The following MSX1 variants were observed in gnomAD, a reference collection of about 807,000 sequenced individuals.
MSX1 encodes msh homeobox 1.
A neutral mutation model predicts 17.0 loss-of-function variants in MSX1; 11 were observed. That is an observed-to-expected ratio of 0.65 (90% CI 0.41 to 1.07). MSX1 has a LOEUF of 1.07. Among genes scored for constraint, MSX1 ranks in the 50% least tolerant of loss-of-function variants. The probability of loss-of-function intolerance (pLI) is 0.00; values close to 1 mark genes in which losing one functional copy is unlikely to be tolerated. For missense variants in MSX1, 477 were observed against 440.1 expected, an observed-to-expected ratio of 1.08 and a Z score of -0.75; for synonymous variants, 253 against 211.8, an observed-to-expected ratio of 1.19 and a Z score of -1.69.
At position 4,860,149 on chromosome 4, in the gene MSX1, G is replaced by C. The variant is rs1464389153; in HGVS notation, c.250G>C (p.Glu84Gln). ...GAKESALAPS[E>Q]GVQAAGGSAQ... is the part of the protein sequence containing the mutation. ...CAAGGAGAGCGCCCTGGCGCCCTCC[G>C]AGGGCGTGCAGGCGGCGGGTGGCTC... Residue 84 changes from glutamate (E) to glutamine (Q), a missense_variant, in exon 1 of 2, where the codon GAG (glutamate) becomes CAG (glutamine). By Grantham distance (29) the Glu-to-Gln change is conservative (BLOSUM62 2). This residue lies in a region of MSX1 where 355 missense variants were observed against 306.1 expected (regional missense o/e 1.16). Transcript: ENST00000382723. 2 of 1,511,208 alleles carry C rather than the reference G, an allele frequency of 1.3e-6. No homozygotes were observed. Among genetic ancestry groups the C allele is most frequent in the East Asian group, 2.6e-5 (1 of 37,836 alleles). The allele number at this position is 1,511,208 out of a possible 1,614,324, so 93.6% of individuals were successfully genotyped here. A position where few individuals can be genotyped will look rare whatever the true frequency, so the allele number is the denominator to read the frequency against.
At position 4,863,006 on chromosome 4, in the gene MSX1, G is replaced by T. The variant is rs1185222483; in HGVS notation, c.775G>T (p.Gly259Cys). 3 of 1,612,368 alleles carry T rather than the reference G, an allele frequency of 1.9e-6. No homozygotes were observed. Among genetic ancestry groups the T allele is most frequent in the Admixed American group, 3.3e-5 (2 of 59,974 alleles). The change falls in exon 2 of 2, where the codon GGC (glycine) becomes TGC (cysteine). Residue 259 changes from glycine to cysteine, a missense_variant. Gly to Cys is a radical substitution (Grantham distance 159). Around this residue, in one of 3 missense-constraint regions of MSX1, gnomAD observed 114 missense variants for 106.3 expected, o/e 1.07. Transcript: ENST00000382723. ...CTTCGGCCTCTCCTTCCCTCTCGGC[G>T]GCCCCGCAGCTGTAGCGGCCGCGGC... ...AAFGLSFPLG[G>C]PAAVAAAAGA...
rs1181887626 is a variant in MSX1 at position 4,863,634 on chromosome 4, C to CT, written c.*493dup. On this transcript the variant is annotated 3_prime_UTR_variant, in exon 2 of 2. Coordinates refer to ENST00000382723, the MANE Select transcript of MSX1 (RefSeq NM_002448.3). The stretch of plus-strand genomic sequence containing the variant: ...AGCCAGCCAGGAAGATGAATCCTAG[C>CT]TTCTTCCATTGGAAAATTTAAGACA... The CT allele has an allele frequency of 7.1e-6, 1 of 140,966 alleles. No individual in the cohort carries two copies. The highest frequency in any genetic ancestry group is 1.5e-5 in the Non-Finnish European group (1 of 66,236). The allele number at this position is 140,966 out of a possible 1,614,324, so 8.7% of individuals were successfully genotyped here.
rs1737964187 is a variant in MSX1 at position 4,863,180 on chromosome 4, C to A, written c.*37C>A. 1.3e-6 allele frequency: 2 copies of A among 1,562,264 alleles called. No individual in the cohort carries two copies. Among genetic ancestry groups the A allele is most frequent in the African/African-American group, 2.7e-5 (2 of 74,466 alleles). ...TCGCCCACCTGTGGGCCAGCCGATTCCTCCAGCCCTGGTGCTGTACCCCCG... is the reference window on the plus strand; with the variant it reads ...TCGCCCACCTGTGGGCCAGCCGATTACTCCAGCCCTGGTGCTGTACCCCCG... On this transcript the variant is annotated 3_prime_UTR_variant, in exon 2 of 2. Transcript: ENST00000382723.
chr4:4,862,849 C>T lies in MSX1; in HGVS notation c.618C>T (p.Ser206=), dbSNP rs201419918. 19 of 1,613,848 alleles carry T rather than the reference C, an allele frequency of 1.2e-5. No homozygotes were observed. Among genetic ancestry groups the T allele is most frequent in the South Asian group, 8.8e-5 (8 of 91,086 alleles). ...CCATCGCCGAGCGCGCGGAGTTCTCCAGCTCGCTCAGCCTCACTGAGACGC... is the reference window on the plus strand; with the variant it reads ...CCATCGCCGAGCGCGCGGAGTTCTCTAGCTCGCTCAGCCTCACTGAGACGC... ...YLSIAERAEF[S]SSLSLTETQV... Residue 206 remains serine (S), a synonymous_variant, in exon 2 of 2, where the codon TCC becomes TCT. Transcript: ENST00000382723.
intron 1 of MSX1, among the ~76,000 whole-genome samples, chr4:4,861,507 G>T (rs987080253): frequency 8.5e-5 from 13 of 152,212 alleles, no homozygotes; most frequent in Admixed American, 3.9e-4. Context: ...TTTGTTTGTG[G>T]TTGTTTTTTA....
At chr4:4,860,555 C>T (rs896169614) in intron 1 of MSX1, among the ~76,000 whole-genome samples, 187 bp downstream of exon 1, 2 of 152,196 alleles carry the variant, frequency 1.3e-5, no homozygotes, top group Non-Finnish European at 2.9e-5. Context: ...TCCAGACCTC[C>T]TCGCCTTGGC....
chr4:4,862,028 T>C (rs1157786411), intron 1 of MSX1, among the ~76,000 whole-genome samples: 3 of 152,172 alleles, frequency 2.0e-5, no homozygotes, highest in African/African-American at 7.2e-5. Flanking sequence ...CAGCCCCTCG[T>C]TCTCCGCTCC....
Position 4,860,256 on chromosome 4 carries a change from G to T in MSX1, c.357G>T (p.Ser119=). The T allele has an allele frequency of 6.3e-7, 1 of 1,590,994 alleles. No individual in the cohort carries two copies. The highest frequency in any genetic ancestry group is 2.3e-5 in the East Asian group (1 of 44,258). Residue 119 remains serine (S), a synonymous_variant, in exon 1 of 2, where the codon TCG becomes TCT. Transcript: ENST00000382723. ...CGCCGCGGCCGCTCGGCCATTTCTCGGTGGGGGGACTCCTCAAGCTGCCAG... is the reference window on the plus strand; with the variant it reads ...CGCCGCGGCCGCTCGGCCATTTCTCTGTGGGGGGACTCCTCAAGCTGCCAG... The part of the protein sequence containing the change: ...PSSPRPLGHF[S]VGGLLKLPED...
At chr4:4,860,796 C>A (rs34206627) in intron 1 of MSX1, among the ~76,000 whole-genome samples, 1 of 152,194 alleles carries the variant, frequency 6.6e-6, no homozygotes, top group Non-Finnish European at 1.5e-5. Context: ...TCTTCCCTTT[C>A]AAGTACCTCT....
At chr4:4,862,670 C>T in intron 1 of MSX1, 31 bp from the exon 2 acceptor site, 1 of 1,600,068 alleles carries the variant, frequency 6.2e-7, no homozygotes, top group Non-Finnish European at 8.5e-7. Flanking sequence ...TCTCTCTTAA[C>T]CCCTTGCTTT....
At position 4,863,475 on chromosome 4, in the gene MSX1, C is replaced by A. The variant is rs1458918356; in HGVS notation, c.*332C>A. The A allele has an allele frequency of 5.1e-6, 1 of 194,342 alleles. No homozygotes were observed. Among genetic ancestry groups the A allele is most frequent in the Non-Finnish European group, 1.0e-5 (1 of 99,002 alleles). The allele number at this position is 194,342 out of a possible 1,614,324, so 12.0% of individuals were successfully genotyped here. ...GCTAGAGGCCATGTCTCCTGCATAG[C>A]TTTTCCCTGTCCTGACACCAGGCAA... is the stretch of plus-strand genomic sequence containing the variant. On this transcript the variant is annotated 3_prime_UTR_variant, in exon 2 of 2. Coordinates refer to ENST00000382723, the MANE Select transcript of MSX1 (RefSeq NM_002448.3).
rs776717375 is a variant in MSX1 at position 4,863,041 on chromosome 4, G to C, written c.810G>C (p.Ser270=). The C allele has an allele frequency of 8.1e-6, 13 of 1,609,062 alleles. No individual in the cohort carries two copies. Among genetic ancestry groups the C allele is most frequent in the African/African-American group, 5.3e-5 (4 of 74,836 alleles). The change falls in exon 2 of 2, where the codon TCG becomes TCC. Residue 270 remains serine, a synonymous_variant. Coordinates refer to ENST00000382723, the MANE Select transcript of MSX1 (RefSeq NM_002448.3). ...PAAVAAAAGA[S]LYGASGPFQR... ...CTGTAGCGGCCGCGGCGGGTGCCTCGCTCTACGGTGCCTCTGGCCCCTTCC... is the reference window on the plus strand; with the variant it reads ...CTGTAGCGGCCGCGGCGGGTGCCTCCCTCTACGGTGCCTCTGGCCCCTTCC...
chr4:4,863,296 C>T lies in MSX1; in HGVS notation c.*153C>T, dbSNP rs528250353. On this transcript the variant is annotated 3_prime_UTR_variant, in exon 2 of 2. Transcript: ENST00000382723. Reference sequence around the variant, plus strand: ...CTCTTTGCTCCCTGAGTTCACTCTCCGAAGTCTGATCCCTGCCAAAAAGTG... The same window carrying T: ...CTCTTTGCTCCCTGAGTTCACTCTCTGAAGTCTGATCCCTGCCAAAAAGTG... The T allele has an allele frequency of 3.7e-6, 3 of 816,870 alleles. No homozygotes were observed. The highest frequency in any genetic ancestry group is 1.7e-5 in the South Asian group (1 of 59,880). The allele number at this position is 816,870 out of a possible 1,614,324, so 50.6% of individuals were successfully genotyped here. A position where few individuals can be genotyped will look rare whatever the true frequency, so the allele number is the denominator to read the frequency against.
rs1199001220 is a variant in MSX1, at chr4:4,863,380, T to C, written c.*237T>C. 1 of 539,560 alleles carries C rather than the reference T, an allele frequency of 1.9e-6. No individual in the cohort carries two copies. The highest frequency in any genetic ancestry group is 1.9e-5 in the African/African-American group (1 of 52,390). 33.4% of individuals were successfully genotyped at this position (539,560 alleles called of 1,614,324 possible). A position where few individuals can be genotyped will look rare whatever the true frequency, so the allele number is the denominator to read the frequency against. ...TAGATCTACACTCTCGAGTTAAAGATGGGGAAACTGAGGGCAGAGAGGTTA... is the reference window on the plus strand; with the variant it reads ...TAGATCTACACTCTCGAGTTAAAGACGGGGAAACTGAGGGCAGAGAGGTTA... On this transcript the variant is annotated 3_prime_UTR_variant, in exon 2 of 2. Transcript: ENST00000382723.
At position 4,860,002 on chromosome 4, in the gene MSX1, G is replaced by C; in HGVS notation, c.103G>C (p.Ala35Pro). The change falls in exon 1 of 2, where the codon GCC becomes CCC. Residue 35 changes from alanine to proline, a missense_variant. Transcript: ENST00000382723. The part of the protein sequence containing the change: ...AGGGAGQAPS[A>P]AAATAAAMGA... ...GGGAGGCGCGGGCCAGGCCCCCAGCGCCGCCGCGGCCACGGCAGCCGCCAT... is the reference window on the plus strand; with the variant it reads ...GGGAGGCGCGGGCCAGGCCCCCAGCCCCGCCGCGGCCACGGCAGCCGCCAT... The C allele has an allele frequency of 6.7e-7, 1 of 1,495,370 alleles. No individual in the cohort carries two copies. The highest frequency in any genetic ancestry group is 8.9e-7 in the Non-Finnish European group (1 of 1,123,736). The allele number at this position is 1,495,370 out of a possible 1,614,324, so 92.6% of individuals were successfully genotyped here.
At chr4:4,861,953 C>T (rs147730554) in intron 1 of MSX1, among the ~76,000 whole-genome samples, 34 of 152,026 alleles carry the variant, frequency 2.2e-4, no homozygotes, top group African/African-American at 7.5e-4. Flanking sequence ...GGCCCTGGCG[C>T]CAGGGGTGAA....
rs374804405 is a variant in MSX1, at chr4:4,863,785, A to AAC, written c.*642_*643insAC. 2 of 146,510 alleles carry AAC rather than the reference A, an allele frequency of 1.4e-5. No homozygotes were observed. The highest frequency in any genetic ancestry group is 6.8e-5 in the Admixed American group (1 of 14,622). 9.1% of individuals were successfully genotyped at this position (146,510 alleles called of 1,614,324 possible). On this transcript the variant is annotated 3_prime_UTR_variant, in exon 2 of 2. Transcript: ENST00000382723. ...ATTGTAAAATTAAAAAAAAAAAAAA[A>AAC]CTCTTTCTATTTAACAGTACATTTG...
At chr4:4,861,878 T>TC (rs1330204633) in intron 1 of MSX1, among the ~76,000 whole-genome samples, 4 of 130,252 alleles carry the variant, frequency 3.1e-5, no homozygotes, top group African/African-American at 9.3e-5. Context: ...ATCTCAACAC[T>TC]CCCCCCGCAA....
rs121913130 is a variant in MSX1 at position 4,860,099 on chromosome 4, T to C, written c.200T>C (p.Met67Thr). 2 of 1,519,130 alleles carry C rather than the reference T, an allele frequency of 1.3e-6. No homozygotes were observed. The allele number at this position is 1,519,130 out of a possible 1,614,324, so 94.1% of individuals were successfully genotyped here. A position where few individuals can be genotyped will look rare whatever the true frequency, so the allele number is the denominator to read the frequency against. ...SLLPFSVEALMADHRKPGAKE... is the reference protein window; with the variant it reads ...SLLPFSVEALTADHRKPGAKE... ...CTGCCCTTCAGCGTGGAGGCGCTCA[T>C]GGCCGACCACAGGAAGCCGGGGGCC... The change falls in exon 1 of 2, where the codon ATG (methionine) becomes ACG (threonine). Residue 67 changes from methionine (M) to threonine (T), a missense_variant. This residue lies in a region of MSX1 where 355 missense variants were observed against 306.1 expected (regional missense o/e 1.16). Transcript: ENST00000382723.
Sources: gnomAD v4.1 joint callset for allele counts (sites outside exome capture counted in the v4.1 genomes callset) on GRCh38, gnomAD v4.1.1 for gene constraint, gnomAD v4.1.1 regional missense constraint, MANE v1.5 for transcripts, NCBI Gene and HGNC (gene_info 2026-07-23, HGNC 2026-07-21) for gene names.